The following MGAT4C variants were observed in gnomAD, a reference collection of about 807,000 sequenced individuals.
The protein encoded by MGAT4C is MGAT4 family member C.
A neutral mutation model predicts 40.1 loss-of-function variants in MGAT4C; 19 were observed. That is an observed-to-expected ratio of 0.47 (90% CI 0.33 to 0.70). MGAT4C has a LOEUF of 0.70. MGAT4C is among the 30% of genes least tolerant of loss of function. The pLI is 0.02. For synonymous variants in MGAT4C, 181 were observed against 187.1 expected, an observed-to-expected ratio of 0.97 and a Z score of 0.27; for missense variants, 491 against 563.2, an observed-to-expected ratio of 0.87 and a Z score of 1.30.
intron 1 of MGAT4C, among the ~76,000 whole-genome samples, chr12:86,773,116 G>T (rs1951667191): frequency 6.6e-6 from 1 of 152,116 alleles, no homozygotes; most frequent in South Asian, 2.1e-4. Context: ...TAGTACCACA[G>T]AATGTGACTA....
At chr12:86,270,092 A>T (rs1952904960) in intron 4 of MGAT4C, among the ~76,000 whole-genome samples, 1 of 151,850 alleles carries the variant, frequency 6.6e-6, no homozygotes, top group African/African-American at 2.4e-5. Flanking sequence ...TTTGAGACAG[A>T]GTCTCACTCT....
At chr12:86,272,128 G>A (rs1243145334) in intron 4 of MGAT4C, among the ~76,000 whole-genome samples, 1 of 152,138 alleles carries the variant, frequency 6.6e-6, no homozygotes, top group Non-Finnish European at 1.5e-5. Flanking sequence ...TGGGGCTCAT[G>A]TTATGAATAT....
intron 2 of MGAT4C, among the ~76,000 whole-genome samples, chr12:86,003,086 C>A (rs1017794375): frequency 6.6e-6 from 1 of 152,116 alleles, no homozygotes; most frequent in African/African-American, 2.4e-5. Flanking sequence ...CAGGTGTGAG[C>A]CACCACACCT....
chr12:86,012,467 G>A (rs970044915), intron 2 of MGAT4C, among the ~76,000 whole-genome samples: 13 of 152,204 alleles, frequency 8.5e-5, no homozygotes, highest in African/African-American at 1.4e-4. Context: ...GAGGCCAGGC[G>A]CAGTGGCTCA....
At chr12:86,152,920 T>C (rs2135774327) in intron 1 of MGAT4C, among the ~76,000 whole-genome samples, 1 of 152,200 alleles carries the variant, frequency 6.6e-6, no homozygotes, top group East Asian at 1.9e-4. Flanking sequence ...CTTTCAGTCA[T>C]CCGTGGGTCT....
intron 1 of MGAT4C, among the ~76,000 whole-genome samples, chr12:86,224,997 A>G (rs1322560195): frequency 6.6e-6 from 1 of 152,106 alleles, no homozygotes; most frequent in African/African-American, 2.4e-5. Context: ...CATAAAAATG[A>G]AAAGTTGTTT....
chr12:86,831,714 T>C (rs1305226062), intron 1 of MGAT4C, among the ~76,000 whole-genome samples: 2 of 151,828 alleles, frequency 1.3e-5, no homozygotes. Context: ...AAGACTAAGA[T>C]GATAGGGCCT....
At chr12:86,089,637 T>A (rs1872528067) in intron 1 of MGAT4C, among the ~76,000 whole-genome samples, 2 of 151,882 alleles carry the variant, frequency 1.3e-5, no homozygotes, top group Admixed American at 1.3e-4. Flanking sequence ...GCCCTATTAT[T>A]AAAATTATTC....
In MGAT4C at chr12:85,979,563, A is replaced by G. The variant is rs112713100; in HGVS notation, c.1163T>C (p.Ile388Thr). Residue 388 changes from isoleucine (I) to threonine (T), a missense_variant, in exon 5 of 5, where the codon ATA (isoleucine) becomes ACA (threonine). Transcript: ENST00000611864. ...VFVIVFENPI[I>T]IKKIKVNTGT... ...AGTATTTACTTTAATTTTTTTTATT[A>G]TAATTGGATTTTCAAATACAATCAC... The G allele has an allele frequency of 2.5e-6, 4 of 1,607,772 alleles. No homozygotes were observed. In the Admixed American group the frequency reaches 5.0e-5, roughly 20 times the overall value.
chr12:86,348,405 G>T (rs1471109055), intron 3 of MGAT4C, among the ~76,000 whole-genome samples: 6 of 151,446 alleles, frequency 4.0e-5, no homozygotes, highest in African/African-American at 1.2e-4. Context: ...TACCTAGTTG[G>T]GATTTTTTTT....
At chr12:86,596,737 C>A (rs918192825) in intron 2 of MGAT4C, among the ~76,000 whole-genome samples, 4 of 152,082 alleles carry the variant, frequency 2.6e-5, no homozygotes. Flanking sequence ...ATAGCCACAC[C>A]ACCTGGTAAT....
At chr12:86,474,343 G>A (rs1368858377) in intron 2 of MGAT4C, among the ~76,000 whole-genome samples, 1 of 140,714 alleles carries the variant, frequency 7.1e-6, no homozygotes, top group African/African-American at 2.7e-5. Context: ...GACACAGGAA[G>A]GGGAACATCA....
chr12:86,290,382 C>A (rs2406117), intron 4 of MGAT4C, among the ~76,000 whole-genome samples: 98,258 of 152,044 alleles, frequency 0.65, 32,701 homozygotes, highest in South Asian at 0.78. Flanking sequence ...AGCAGCAGCA[C>A]AATCAGTAAT....
At chr12:86,427,227 A>G (rs1169760211) in intron 3 of MGAT4C, among the ~76,000 whole-genome samples, 2 of 152,182 alleles carry the variant, frequency 1.3e-5, no homozygotes, top group Non-Finnish European at 2.9e-5. Context: ...ACATTTACAC[A>G]TAAATGGACA....
chr12:86,630,157 A>G (rs1962980999), intron 2 of MGAT4C, among the ~76,000 whole-genome samples: 2 of 152,216 alleles, frequency 1.3e-5, no homozygotes, highest in African/African-American at 4.8e-5. Flanking sequence ...ATCTAGAAGA[A>G]ATGGATAAAT....
intron 3 of MGAT4C, among the ~76,000 whole-genome samples, chr12:86,411,509 T>C (rs1255168865): frequency 2.0e-5 from 3 of 152,184 alleles, no homozygotes; most frequent in Admixed American, 1.3e-4. Flanking sequence ...ATTTAGGTTA[T>C]CTGGTGTAAG....
chr12:86,414,424 T>C (rs373049956), intron 3 of MGAT4C, among the ~76,000 whole-genome samples: 1 of 152,176 alleles, frequency 6.6e-6, no homozygotes, highest in East Asian at 1.9e-4. Context: ...AGCAAGTTAA[T>C]CCTATTCTCA....
At chr12:86,026,699 A>G (rs1028258269) in intron 2 of MGAT4C, among the ~76,000 whole-genome samples, 1 of 151,902 alleles carries the variant, frequency 6.6e-6, no homozygotes, top group African/African-American at 2.4e-5. Context: ...ATTCTTGTGT[A>G]TTGACTGTAA....
intron 2 of MGAT4C, among the ~76,000 whole-genome samples, chr12:86,634,398 A>G (rs978192258): frequency 8.5e-5 from 13 of 152,248 alleles, no homozygotes; most frequent in East Asian, 7.8e-4. Flanking sequence ...TTGATTATCT[A>G]TTGTTTTGTA....
Sources: allele counts gnomAD v4.1 joint callset (sites outside exome capture counted in the v4.1 genomes callset), GRCh38; gene constraint gnomAD v4.1.1; transcripts MANE v1.5; gene names NCBI Gene and HGNC (gene_info 2026-07-23, HGNC 2026-07-21).